ANKRD36: variants seen among roughly 807,000 people sequenced by gnomAD.
ANKRD36 encodes the protein ankyrin repeat domain 36, also known as ankyrin repeat domain-containing protein 36A.
A neutral mutation model predicts 278.1 loss-of-function variants in ANKRD36; 179 were observed. That is an observed-to-expected ratio of 0.64 (90% CI 0.57 to 0.73). The LOEUF (loss-of-function observed/expected upper bound fraction) is 0.73. Among genes scored for constraint, ANKRD36 ranks in the 30% least tolerant of loss-of-function variants. The pLI is 0.00. For synonymous variants in ANKRD36, 320 were observed against 641.1 expected, an observed-to-expected ratio of 0.50 and a Z score of 7.57; for missense variants, 1,159 against 1,956.7, an observed-to-expected ratio of 0.59 and a Z score of 7.69.
chr2:97,135,113 G>A (rs980485654), intron 6 of ANKRD36, among the ~76,000 whole-genome samples: 2 of 151,968 alleles, frequency 1.3e-5, no homozygotes, highest in African/African-American at 2.4e-5. Context: ...TGTATCCTGT[G>A]TTTTGCCATA....
rs2057214526 is a variant in ANKRD36 at position 97,185,496 on chromosome 2, T to C, written c.2027T>C (p.Leu676Pro). Reference protein sequence around the residue: ...LNIATEIKDGLQCGTVSSQKQ... With the variant: ...LNIATEIKDGPQCGTVSSQKQ... The stretch of plus-strand genomic sequence containing the variant: ...ATAGCTACAGAAATAAAGGATGGAC[T>C]ACAGTGTGGGACAGGTAATTTTGCA... Residue 676 changes from leucine (L) to proline (P), a missense_variant, in exon 30 of 76, where the codon CTA becomes CCA. Physicochemically the swap from Leu to Pro is moderately conservative, Grantham distance 98. Coordinates refer to ENST00000420699, the MANE Select transcript of ANKRD36 (RefSeq NM_001354587.1). 6.2e-7 allele frequency: 1 copy of C among 1,610,888 alleles called. No homozygotes were observed. Among genetic ancestry groups the C allele is most frequent in the Admixed American group, 1.7e-5 (1 of 59,466 alleles).
chr2:97,260,122 C>T (rs2076539866), intron 75 of ANKRD36, among the ~76,000 whole-genome samples: 1 of 63,166 alleles, frequency 1.6e-5, no homozygotes, highest in Non-Finnish European at 2.7e-5. Flanking sequence ...CTAAAAAAAT[C>T]CAGATGATTT....
At position 97,196,627 on chromosome 2, in the gene ANKRD36, G is replaced by A; in HGVS notation, c.2580+6G>A. 1 of 1,604,308 alleles carries A rather than the reference G, an allele frequency of 6.2e-7. No individual in the cohort carries two copies. Among genetic ancestry groups the A allele is most frequent in the South Asian group, 1.1e-5 (1 of 90,580 alleles). On this transcript the variant is annotated splice_donor_region_variant and intron_variant, in intron 41 of 75. Coordinates refer to ENST00000420699, the MANE Select transcript of ANKRD36 (RefSeq NM_001354587.1). ...AGAAACCACCAACCTTGAAGGTAAT[G>A]AAACTCCCATTTATCATGTGAACGA...
chr2:97,209,355 G>A (rs1484057702), intron 54 of ANKRD36, among the ~76,000 whole-genome samples: 3 of 146,606 alleles, frequency 2.0e-5, no homozygotes, highest in Non-Finnish European at 4.5e-5. Flanking sequence ...TGATTCTCAC[G>A]TATATGAGTT....
Position 97,191,006 on chromosome 2 carries a change from G to A in ANKRD36, c.2274G>A (p.Lys758=). 8 of 1,604,976 alleles carry A rather than the reference G, an allele frequency of 5.0e-6. 1 individual carries two copies. Among genetic ancestry groups the A allele is most frequent in the South Asian group, 2.2e-5 (2 of 90,608 alleles). The change falls in exon 35 of 76, where the codon AAG becomes AAA. Residue 758 remains lysine, a splice_region_variant and synonymous_variant. Coordinates refer to ENST00000420699, the MANE Select transcript of ANKRD36 (RefSeq NM_001354587.1). ...TVSSQKQPAL[K]ATTDEKDSVS... The stretch of plus-strand genomic sequence containing the variant: ...CTTCTCAGAAACAACCAGCCTTGAA[G>A]GTAATTAAACTCTCATTTATATTGT...
intron 6 of ANKRD36, among the ~76,000 whole-genome samples, chr2:97,130,738 A>C (rs1288522002): frequency 6.6e-6 from 1 of 152,096 alleles, no homozygotes; most frequent in Non-Finnish European, 1.5e-5. Context: ...TTCCCTTTTC[A>C]TGACCTCTTG....
intron 24 of ANKRD36, among the ~76,000 whole-genome samples, chr2:97,180,992 G>A (rs995069163): frequency 7.3e-5 from 11 of 151,630 alleles, no homozygotes; most frequent in African/African-American, 2.7e-4. Context: ...CTAAACTAGT[G>A]GATACAAGAA....
intron 58 of ANKRD36, chr2:97,212,955 G>T (rs1170389057): frequency 3.2e-6 from 1 of 315,298 alleles, no homozygotes; most frequent in African/African-American, 2.2e-5. Flanking sequence ...AAGTGTCATT[G>T]TAATTGTGTG....
At chr2:97,219,691 G>A (rs1183688296) in intron 66 of ANKRD36, among the ~76,000 whole-genome samples, 1 of 138,850 alleles carries the variant, frequency 7.2e-6, no homozygotes, top group African/African-American at 2.8e-5. Context: ...ATGTTGGTCA[G>A]GCTGGTCTTG....
rs1264738203 is a variant in ANKRD36, at chr2:97,209,904, C to T, written c.3367+32C>T. 8.4e-6 allele frequency: 13 copies of T among 1,552,038 alleles called. No homozygotes were observed. In the Admixed American group the frequency reaches 2.3e-4, roughly 28 times the overall value. ...TTGAAAACAGATTTAATGTCATGTT[C>T]AGTCCAGATAGGTAAGAAATTCTCT... On this transcript the variant is annotated intron_variant, in intron 56 of 75. Transcript: ENST00000420699.
chr2:97,191,218 C>G, intron 36 of ANKRD36, 37 bp downstream of exon 36: 5 of 1,529,760 alleles, frequency 3.3e-6, no homozygotes, highest in Non-Finnish European at 4.4e-6. Context: ...CATATTCAGT[C>G]CAGATAGATA....
In ANKRD36 at chr2:97,192,993, G is replaced by A. The variant is rs745610993; in HGVS notation, c.2389G>A (p.Glu797Lys). ...AAATTCCATTCAGGCTACAAGTGAC[G>A]AGGAAGGTTCTGTTTTGAGTATAGC... ...KPPALTATSD[E>K]EGSVLSIARE... is the part of the protein sequence containing the mutation. Residue 797 changes from glutamate (E) to lysine (K), a missense_variant, in exon 38 of 76, where the codon GAG becomes AAG. Physicochemically the swap from Glu to Lys is moderately conservative, Grantham distance 56. Transcript: ENST00000420699. 36 of 1,580,128 alleles carry A rather than the reference G, an allele frequency of 2.3e-5. No individual in the cohort carries two copies. Among genetic ancestry groups the A allele is most frequent in the East Asian group, 7.0e-5 (3 of 42,764 alleles).
chr2:97,192,867 A>G lies in ANKRD36; in HGVS notation c.2357A>G (p.Gln786Arg), dbSNP rs1268568049. 3.1e-6 allele frequency: 5 copies of G among 1,603,602 alleles called. No individual in the cohort carries two copies. The highest frequency in any genetic ancestry group is 4.2e-6 in the Non-Finnish European group (5 of 1,177,570). Residue 786 changes from glutamine (Q) to arginine (R), a missense_variant, in exon 37 of 76, where the codon CAG becomes CGG. Transcript: ENST00000420699. ...DGEKSGTVSS[Q>R]KPPALTATSD... ...CCCTTTTGCTTTTCAGTGTCTTCTC[A>G]GAAACCACCAGCCTTGACGGTAATG...
intron 67 of ANKRD36, among the ~76,000 whole-genome samples, chr2:97,232,979 A>G (rs1306837084): frequency 6.7e-6 from 1 of 149,360 alleles, no homozygotes; most frequent in Non-Finnish European, 1.5e-5. Context: ...TATGTGGCTT[A>G]CCTGCTCCAA....
intron 11 of ANKRD36, among the ~76,000 whole-genome samples, chr2:97,147,029 A>G (rs1222453930): frequency 6.6e-6 from 1 of 151,506 alleles, no homozygotes; most frequent in East Asian, 2.1e-4. Context: ...AAAGGCAGAT[A>G]TCAGTTACCT....
chr2:97,211,619 A>C, intron 57 of ANKRD36, 45 bp downstream of exon 57: 3 of 1,595,892 alleles, frequency 1.9e-6, no homozygotes, highest in East Asian at 2.4e-5. Flanking sequence ...ACTGTATAGT[A>C]TATGAAATAT....
intron 10 of ANKRD36, among the ~76,000 whole-genome samples, chr2:97,145,979 T>C (rs557004770): frequency 6.6e-6 from 1 of 152,034 alleles, no homozygotes; most frequent in Non-Finnish European, 1.5e-5. Flanking sequence ...ATGATGAATA[T>C]TTGTAGTATA....
Position 97,123,549 on chromosome 2 carries a change from T to G in ANKRD36, c.593+556T>G, listed in dbSNP as rs1173921820. ...TGGTAACATTACTTATTGCCAAGTA[T>G]GTTTTCTTCTGTGAAAAGGAGGGTA... On this transcript the variant is annotated intron_variant, in intron 4 of 75. Coordinates refer to ENST00000420699, the MANE Select transcript of ANKRD36 (RefSeq NM_001354587.1). Among the ~76,000 whole-genome samples the G allele has an allele frequency of 2.4e-5, 2 of 81,946 alleles. 1 individual carries two copies. 53.8% of individuals were successfully genotyped at this position (81,946 alleles called of 152,430 possible). A position where few individuals can be genotyped will look rare whatever the true frequency, so the allele number is the denominator to read the frequency against.
At chr2:97,196,051 A>G (rs1317926582) in intron 40 of ANKRD36, among the ~76,000 whole-genome samples, 1 of 151,992 alleles carries the variant, frequency 6.6e-6, no homozygotes, top group Non-Finnish European at 1.5e-5. Context: ...GGTATCAGCA[A>G]AGAGGTATCC....
Sources: allele counts gnomAD v4.1 joint callset (sites outside exome capture counted in the v4.1 genomes callset), GRCh38; gene constraint gnomAD v4.1.1; transcripts MANE v1.5; gene names NCBI Gene and HGNC (gene_info 2026-07-23, HGNC 2026-07-21).